The following ITPR1 variants were observed in gnomAD, a reference collection of about 807,000 sequenced individuals.
ITPR1 encodes inositol 1,4,5-trisphosphate-gated calcium channel ITPR1.
A neutral mutation model predicts 318.4 loss-of-function variants in ITPR1; 96 were observed. That is an observed-to-expected ratio of 0.30 (90% confidence interval 0.26 to 0.36). The LOEUF (loss-of-function observed/expected upper bound fraction) is 0.36. Among genes scored for constraint, ITPR1 ranks in the 10% least tolerant of loss-of-function variants. The pLI is 1.00. For missense variants in ITPR1, 2,440 were observed against 3,460.2 expected, an observed-to-expected ratio of 0.71 and a Z score of 7.40; for synonymous variants, 1,312 against 1,289.9, an observed-to-expected ratio of 1.02 and a Z score of -0.37.
chr3:4,688,213 G>T (rs537618035), intron 30 of ITPR1, among the ~76,000 whole-genome samples: 110 of 152,186 alleles, frequency 7.2e-4, no homozygotes, highest in African/African-American at 2.5e-3. Context: ...AGGGGGTTCA[G>T]AAGTTTCAGT....
chr3:4,774,453 C>T (rs940221400), intron 46 of ITPR1, among the ~76,000 whole-genome samples: 4 of 152,138 alleles, frequency 2.6e-5, no homozygotes, highest in East Asian at 1.9e-4. Flanking sequence ...GTAAGCATGT[C>T]GCTTTGGTAA....
chr3:4,636,441 A>G (rs9848031), intron 5 of ITPR1, among the ~76,000 whole-genome samples: 10,856 of 152,158 alleles, frequency 0.071, 897 homozygotes, highest in East Asian at 0.4. Flanking sequence ...TGTCTTATTT[A>G]TCTGTTTTTG....
intron 4 of ITPR1, among the ~76,000 whole-genome samples, chr3:4,605,056 C>T (rs892024404): frequency 1.3e-5 from 2 of 152,086 alleles, no homozygotes; most frequent in East Asian, 3.9e-4. Flanking sequence ...ACTGCAACCT[C>T]CGCCTCCCAG....
intron 18 of ITPR1, 28 bp from the exon 19 acceptor site, chr3:4,669,626 A>G: frequency 1.9e-6 from 3 of 1,595,406 alleles, no homozygotes; most frequent in Non-Finnish European, 1.7e-6. Flanking sequence ...CTATCTACAG[A>G]AAATGTTTTG....
chr3:4,730,179 G>A (rs1454240609), intron 42 of ITPR1, among the ~76,000 whole-genome samples: 1 of 137,158 alleles, frequency 7.3e-6, no homozygotes, highest in Non-Finnish European at 1.5e-5. Flanking sequence ...ATAATTCTCA[G>A]TCTTTATTCT....
chr3:4,644,252 T>C lies in ITPR1; in HGVS notation c.624+18T>C, dbSNP rs145400239. On this transcript the variant is annotated intron_variant, in intron 8 of 61. Coordinates refer to ENST00000649015, the MANE Select transcript of ITPR1 (RefSeq NM_001378452.1). ...GCAATGAGGTAAGGACATTGAGTTA[T>C]GTGTGTGGGTGTGGTTATCCTGCAG... 618 of 1,528,084 alleles carry C rather than the reference T, an allele frequency of 4.0e-4. 2 individuals carry two copies. In the African/African-American group the frequency reaches 7.5e-3, roughly 18 times the overall value. 94.7% of individuals were successfully genotyped at this position (1,528,084 alleles called of 1,614,324 possible).
chr3:4,847,426 T>G lies in ITPR1; in HGVS notation c.*1201T>G, dbSNP rs897612150. On this transcript the variant is annotated 3_prime_UTR_variant, in exon 62 of 62. Coordinates refer to ENST00000649015, the MANE Select transcript of ITPR1 (RefSeq NM_001378452.1). Reference sequence around the variant, plus strand: ...AAAAAAAAACAGTTTAAAAATGCATTGAAAGCAGAGTTCTGAAATGAGTAA... The same window carrying G: ...AAAAAAAAACAGTTTAAAAATGCATGGAAAGCAGAGTTCTGAAATGAGTAA... 1.3e-5 allele frequency: 2 copies of G among 149,770 alleles called. No homozygotes were observed. Among genetic ancestry groups the G allele is most frequent in the African/African-American group, 4.9e-5 (2 of 40,768 alleles). The allele number at this position is 149,770 out of a possible 1,614,324, so 9.3% of individuals were successfully genotyped here. A position where few individuals can be genotyped will look rare whatever the true frequency, so the allele number is the denominator to read the frequency against.
At chr3:4,586,129 G>T (rs1444222319) in intron 4 of ITPR1, among the ~76,000 whole-genome samples, 2 of 152,148 alleles carry the variant, frequency 1.3e-5, no homozygotes, top group Non-Finnish European at 2.9e-5. Context: ...AGTATTCCAT[G>T]GTGTATATGT....
intron 35 of ITPR1, 94 bp from the exon 36 acceptor site, chr3:4,702,736 G>C: frequency 1.5e-6 from 2 of 1,357,056 alleles, no homozygotes; most frequent in Non-Finnish European, 2.0e-6. Context: ...CTGGGGTCCA[G>C]TGGTTCAAGA....
At chr3:4,722,726 G>A (rs911290169) in intron 40 of ITPR1, among the ~76,000 whole-genome samples, 2 of 131,896 alleles carry the variant, frequency 1.5e-5, no homozygotes, top group African/African-American at 5.3e-5. Flanking sequence ...TACCATGTAT[G>A]GCCTGGCCCC....
chr3:4,582,836 T>C (rs1344110884), intron 4 of ITPR1, among the ~76,000 whole-genome samples: 1 of 152,132 alleles, frequency 6.6e-6, no homozygotes, highest in African/African-American at 2.4e-5. Flanking sequence ...GTGTTCTCCT[T>C]CTTCCAGCTC....
chr3:4,527,644 C>T (rs909616136), intron 4 of ITPR1, among the ~76,000 whole-genome samples: 2 of 152,138 alleles, frequency 1.3e-5, no homozygotes, highest in Non-Finnish European at 2.9e-5. Context: ...CCCCTGGTTC[C>T]TCAACATATG....
intron 40 of ITPR1, among the ~76,000 whole-genome samples, chr3:4,720,009 T>C (rs1172880175): frequency 6.6e-6 from 1 of 152,204 alleles, no homozygotes; most frequent in Non-Finnish European, 1.5e-5. Context: ...TGTACACCTG[T>C]GTAGCCGCCA....
chr3:4,531,022 A>G (rs142873998), intron 4 of ITPR1, among the ~76,000 whole-genome samples: 2 of 152,252 alleles, frequency 1.3e-5, no homozygotes, highest in East Asian at 1.9e-4. Flanking sequence ...AGGGTCATGC[A>G]TGCTTTTGTT....
intron 44 of ITPR1, among the ~76,000 whole-genome samples, chr3:4,736,321 G>C (rs1464762283): frequency 6.6e-6 from 1 of 152,204 alleles, no homozygotes; most frequent in Non-Finnish European, 1.5e-5. Context: ...GGTTAATGAA[G>C]TCTTGGTTCT....
chr3:4,586,920 CAT>C, intron 4 of ITPR1, among the ~76,000 whole-genome samples: 1 of 152,138 alleles, frequency 6.6e-6, no homozygotes, highest in African/African-American at 2.4e-5. Context: ...GACTCTTGTT[CAT>C]ACACCTCTTA....
intron 43 of ITPR1, among the ~76,000 whole-genome samples, chr3:4,733,450 C>G (rs1048167393): frequency 1.3e-5 from 2 of 152,116 alleles, no homozygotes; most frequent in African/African-American, 4.8e-5. Context: ...TTTTGCTCCT[C>G]CTTCCCATGC....
At chr3:4,767,382 G>T (rs75230094) in intron 45 of ITPR1, among the ~76,000 whole-genome samples, 236 of 152,362 alleles carry the variant, frequency 1.5e-3, no homozygotes, top group African/African-American at 5.6e-3. Flanking sequence ...ATTGCCAGTT[G>T]TCCCCTGGGC....
intron 2 of ITPR1, among the ~76,000 whole-genome samples, chr3:4,500,989 G>T (rs1296283964): frequency 6.6e-6 from 1 of 151,758 alleles, no homozygotes; most frequent in African/African-American, 2.4e-5. Context: ...GAGTAGTTGG[G>T]ACCACCAGCG....
Sources: gnomAD v4.1 joint callset for allele counts (sites outside exome capture counted in the v4.1 genomes callset) on GRCh38, gnomAD v4.1.1 for gene constraint, MANE v1.5 for transcripts, NCBI Gene and HGNC (gene_info 2026-07-23, HGNC 2026-07-21) for gene names.